The following RANBP2 variants were observed in gnomAD, a reference collection of about 807,000 sequenced individuals.
The protein encoded by RANBP2 is RAN binding protein 2, also known as E3 SUMO-protein ligase RanBP2.
A neutral mutation model predicts 303.6 loss-of-function variants in RANBP2; 57 were observed. That is an observed-to-expected ratio of 0.19 (90% confidence interval 0.15 to 0.23). The LOEUF is 0.23. Among genes scored for constraint, RANBP2 ranks in the 10% least tolerant of loss-of-function variants. RANBP2 has a pLI of 1.00. For synonymous variants in RANBP2, 1,167 were observed against 1,301.5 expected, an observed-to-expected ratio of 0.90 and a Z score of 2.23; for missense variants, 3,138 against 3,780.8, an observed-to-expected ratio of 0.83 and a Z score of 4.46.
At chr2:108,735,385 G>A (rs1224517605) in intron 4 of RANBP2, 147 bp from the exon 5 acceptor site, 18 of 1,489,558 alleles carry the variant, frequency 1.2e-5, no homozygotes, top group Non-Finnish European at 1.5e-5. Flanking sequence ...GCAACTCTCA[G>A]AAGGGATGAA....
the RANBP2 span, among the ~76,000 whole-genome samples, chr2:109,138,155 A>G: frequency 6.6e-6 from 1 of 152,138 alleles, no homozygotes; most frequent in Admixed American, 6.5e-5. Flanking sequence ...GGCTGGGACT[A>G]TAGGCGAGCA....
the RANBP2 span, among the ~76,000 whole-genome samples, chr2:109,222,540 G>A: frequency 6.6e-6 from 1 of 152,240 alleles, no homozygotes; most frequent in African/African-American, 2.4e-5. Context: ...CATTGTTGGA[G>A]GGGCAAGGGT....
At chr2:109,702,816 T>TC in the RANBP2 span, among the ~76,000 whole-genome samples, 1 of 151,508 alleles carries the variant, frequency 6.6e-6, no homozygotes, top group Non-Finnish European at 1.5e-5. Context: ...TTTTTTTTTT[T>TC]TAATTGCAAC....
At chr2:109,621,134 C>T in the RANBP2 span, among the ~76,000 whole-genome samples, 1 of 152,088 alleles carries the variant, frequency 6.6e-6, no homozygotes, top group Admixed American at 6.6e-5. Flanking sequence ...AAAGTAGAAT[C>T]ATATAAGTTG....
At chr2:109,338,088 T>G in the RANBP2 span, among the ~76,000 whole-genome samples, 1 of 152,132 alleles carries the variant, frequency 6.6e-6, no homozygotes, top group Admixed American at 6.5e-5. Flanking sequence ...TGGAGAACTT[T>G]AGTAAACACG....
the RANBP2 span, among the ~76,000 whole-genome samples, chr2:108,818,996 T>C: frequency 2.0e-5 from 3 of 152,202 alleles, no homozygotes; most frequent in South Asian, 2.1e-4. Context: ...GAAATTGAGA[T>C]ACAAAAATTC....
At chr2:109,141,046 A>T in the RANBP2 span, among the ~76,000 whole-genome samples, 1 of 152,154 alleles carries the variant, frequency 6.6e-6, no homozygotes, top group African/African-American at 2.4e-5. Flanking sequence ...TGAGCCATTT[A>T]CATCAGTTGT....
chr2:109,187,343 GC>G, the RANBP2 span, among the ~76,000 whole-genome samples: 3 of 138,992 alleles, frequency 2.2e-5, no homozygotes, highest in Non-Finnish European at 4.6e-5. Context: ...TCTCCAGAGT[GC>G]AAAAGACAAC....
At chr2:109,533,752 G>C in the RANBP2 span, among the ~76,000 whole-genome samples, 1 of 152,230 alleles carries the variant, frequency 6.6e-6, no homozygotes, top group Non-Finnish European at 1.5e-5. Flanking sequence ...CCTTTACTAT[G>C]ATTGAGTTAG....
At chr2:109,618,130 T>C in the RANBP2 span, 1 of 167,104 alleles carries the variant, frequency 6.0e-6, no homozygotes, top group Non-Finnish European at 1.5e-5. Context: ...GAAGCACTTA[T>C]GCATACATGT....
At chr2:108,860,935 CT>C in the RANBP2 span, among the ~76,000 whole-genome samples, 15 of 37,932 alleles carry the variant, frequency 4.0e-4, no homozygotes, top group Admixed American at 1.0e-3. Context: ...TGGTCCAGGA[CT>C]TTTTTTTTTT....
chr2:109,599,304 A>C, the RANBP2 span, among the ~76,000 whole-genome samples: 4 of 151,988 alleles, frequency 2.6e-5, no homozygotes, highest in Admixed American at 2.6e-4. Context: ...CTAAAAATAC[A>C]AAAATTAGCC....
the RANBP2 span, among the ~76,000 whole-genome samples, chr2:109,533,519 G>C: frequency 6.6e-6 from 1 of 152,224 alleles, no homozygotes; most frequent in Non-Finnish European, 1.5e-5. Flanking sequence ...ACGGGCCTGA[G>C]GAGGAGGCTG....
the RANBP2 span, chr2:109,490,920 C>A: frequency 2.1e-5 from 31 of 1,502,924 alleles, no homozygotes; most frequent in Non-Finnish European, 2.8e-5. Flanking sequence ...CGAGCCCAAG[C>A]TGTTGCCCAG....
chr2:108,819,589 A>G, the RANBP2 span, among the ~76,000 whole-genome samples: 2 of 152,216 alleles, frequency 1.3e-5, no homozygotes, highest in Non-Finnish European at 2.9e-5. Flanking sequence ...TTGCTAGGGA[A>G]ATTAAGACTG....
At chr2:108,910,180 G>T in the RANBP2 span, among the ~76,000 whole-genome samples, 1 of 152,236 alleles carries the variant, frequency 6.6e-6, no homozygotes, top group African/African-American at 2.4e-5. Flanking sequence ...TGGAGAAGGG[G>T]CATGAGGAAT....
the RANBP2 span, among the ~76,000 whole-genome samples, chr2:109,487,891 C>T: frequency 1.4e-4 from 21 of 151,842 alleles, no homozygotes; most frequent in African/African-American, 4.9e-4. Context: ...GGTGGGGATA[C>T]TGCAGTGAAC....
the RANBP2 span, among the ~76,000 whole-genome samples, chr2:108,841,863 T>G: frequency 6.6e-6 from 1 of 152,290 alleles, no homozygotes; most frequent in East Asian, 1.9e-4. Context: ...GAACATTTTT[T>G]AGAATTTTAT....
the RANBP2 span, among the ~76,000 whole-genome samples, chr2:108,792,962 G>C: frequency 6.6e-6 from 1 of 151,966 alleles, no homozygotes; most frequent in African/African-American, 2.4e-5. Context: ...TACTCGGGAG[G>C]CTGAGGCAGG....
Sources: gnomAD v4.1 joint callset for allele counts (sites outside exome capture counted in the v4.1 genomes callset) on GRCh38, gnomAD v4.1.1 for gene constraint, MANE v1.5 for transcripts, NCBI Gene and HGNC (gene_info 2026-07-23, HGNC 2026-07-21) for gene names.